HS6ST3: variants seen among roughly 807,000 people sequenced by gnomAD.
The protein encoded by HS6ST3 is heparan sulfate 6-O-sulfotransferase 3, also known as heparan-sulfate 6-O-sulfotransferase 3.
In HS6ST3, 12 loss-of-function variants were observed where a neutral mutation model predicts 36.7. The observed-to-expected ratio is 0.33, with a 90% CI of 0.21 to 0.53. HS6ST3 has a LOEUF of 0.53. Ranked by LOEUF, HS6ST3 falls within the 20% of genes least tolerant of loss-of-function variation. The pLI, the probability that HS6ST3 is intolerant of heterozygous loss-of-function variation, is 0.95. For missense variants in HS6ST3, 584 were observed against 640.9 expected, an observed-to-expected ratio of 0.91 and a Z score of 0.96; for synonymous variants, 240 against 257.5, an observed-to-expected ratio of 0.93 and a Z score of 0.65.
chr13:96,170,116 A>G (rs1435557567), intron 1 of HS6ST3, among the ~76,000 whole-genome samples: 3 of 152,192 alleles, frequency 2.0e-5, no homozygotes, highest in Non-Finnish European at 4.4e-5. Context: ...CATAATCCAC[A>G]CTGATAATAT....
intron 1 of HS6ST3, among the ~76,000 whole-genome samples, chr13:96,143,236 A>G (rs1002066974): frequency 6.6e-6 from 1 of 151,982 alleles, no homozygotes; most frequent in African/African-American, 2.4e-5. Context: ...AACTCTAAAA[A>G]TCCACGGAGC....
chr13:96,427,564 A>G (rs1377994930), intron 1 of HS6ST3, among the ~76,000 whole-genome samples: 1 of 151,818 alleles, frequency 6.6e-6, no homozygotes, highest in East Asian at 1.9e-4. Flanking sequence ...ATATTATTTT[A>G]ATTTTGAAAT....
At chr13:96,685,544 A>C (rs1177091309) in intron 1 of HS6ST3, among the ~76,000 whole-genome samples, 1 of 152,080 alleles carries the variant, frequency 6.6e-6, no homozygotes, top group Non-Finnish European at 1.5e-5. Context: ...ACCTGACATC[A>C]TGAGCTAACA....
At chr13:96,769,991 T>C (rs144160997) in intron 1 of HS6ST3, among the ~76,000 whole-genome samples, 43 of 152,302 alleles carry the variant, frequency 2.8e-4, no homozygotes, top group African/African-American at 9.9e-4. Flanking sequence ...AGTCTGTAGG[T>C]CAGTGCAATA....
intron 1 of HS6ST3, among the ~76,000 whole-genome samples, chr13:96,398,920 GC>G (rs557223776): frequency 6.6e-6 from 1 of 152,334 alleles, no homozygotes; most frequent in South Asian, 2.1e-4. Flanking sequence ...CTCAGGAACT[GC>G]ATGTTGCCAA....
chr13:96,330,694 G>T (rs2055061286), intron 1 of HS6ST3, among the ~76,000 whole-genome samples: 1 of 147,832 alleles, frequency 6.8e-6, no homozygotes, highest in Admixed American at 6.7e-5. Flanking sequence ...TATCTTTGTG[G>T]CGTTCTCTGT....
intron 1 of HS6ST3, among the ~76,000 whole-genome samples, chr13:96,830,410 G>A (rs1019859252): frequency 6.6e-6 from 1 of 152,144 alleles, no homozygotes; most frequent in African/African-American, 2.4e-5. Flanking sequence ...TCCCTTCTTT[G>A]CTAACACAGA....
chr13:96,743,917 G>A (rs1876502055), intron 1 of HS6ST3, among the ~76,000 whole-genome samples: 1 of 151,928 alleles, frequency 6.6e-6, no homozygotes, highest in Admixed American at 6.6e-5. Context: ...TGAAATAAGT[G>A]ACTCATTCTG....
At chr13:96,820,165 C>T (rs1388350168) in intron 1 of HS6ST3, among the ~76,000 whole-genome samples, 2 of 152,028 alleles carry the variant, frequency 1.3e-5, no homozygotes, top group South Asian at 4.1e-4. Flanking sequence ...CTTTCCTTTG[C>T]TGTCTCTGAT....
intron 1 of HS6ST3, among the ~76,000 whole-genome samples, chr13:96,627,022 T>G (rs1345058329): frequency 1.3e-5 from 2 of 152,086 alleles, no homozygotes; most frequent in Non-Finnish European, 2.9e-5. Context: ...TCCACTCTGG[T>G]TCCTGTATTT....
intron 1 of HS6ST3, among the ~76,000 whole-genome samples, chr13:96,786,083 C>G (rs1328731426): frequency 6.6e-6 from 1 of 152,164 alleles, no homozygotes; most frequent in Non-Finnish European, 1.5e-5. Flanking sequence ...CTTTCCACCC[C>G]TTACAGCACT....
intron 1 of HS6ST3, among the ~76,000 whole-genome samples, chr13:96,207,481 T>C (rs1170381482): frequency 6.6e-6 from 1 of 152,068 alleles, no homozygotes; most frequent in Non-Finnish European, 1.5e-5. Context: ...TTACTAGATA[T>C]ATACCCAAAG....
At chr13:96,575,019 C>T (rs2056315692) in intron 1 of HS6ST3, among the ~76,000 whole-genome samples, 1 of 152,156 alleles carries the variant, frequency 6.6e-6, no homozygotes, top group South Asian at 2.1e-4. Flanking sequence ...CCTGATGATA[C>T]ATAAGTGGAT....
At chr13:96,157,667 A>G (rs1485353707) in intron 1 of HS6ST3, among the ~76,000 whole-genome samples, 1 of 152,218 alleles carries the variant, frequency 6.6e-6, no homozygotes, top group Non-Finnish European at 1.5e-5. Flanking sequence ...CTAGAGGGTT[A>G]TATTTTGTGA....
At chr13:96,112,578 A>C (rs28604465) in intron 1 of HS6ST3, among the ~76,000 whole-genome samples, 1 of 81,224 alleles carries the variant, frequency 1.2e-5, no homozygotes, top group Non-Finnish European at 2.3e-5. Context: ...AAAATAAATA[A>C]ATATATATAT....
At chr13:96,466,335 C>A (rs532005346) in intron 1 of HS6ST3, among the ~76,000 whole-genome samples, 1 of 152,214 alleles carries the variant, frequency 6.6e-6, no homozygotes, top group African/African-American at 2.4e-5. Flanking sequence ...AATTCGATTA[C>A]TGTATTAACT....
intron 1 of HS6ST3, among the ~76,000 whole-genome samples, chr13:96,360,158 A>G (rs757792203): frequency 6.6e-6 from 1 of 152,100 alleles, no homozygotes; most frequent in African/African-American, 2.4e-5. Flanking sequence ...TCATTGAAGG[A>G]TGGGGTGCTG....
chr13:96,642,407 G>C (rs1481027770), intron 1 of HS6ST3, among the ~76,000 whole-genome samples: 1 of 151,750 alleles, frequency 6.6e-6, no homozygotes, highest in East Asian at 1.9e-4. Flanking sequence ...GAGCTTATTG[G>C]TTGTGTAGAT....
intron 1 of HS6ST3, among the ~76,000 whole-genome samples, chr13:96,564,810 C>T (rs1272019069): frequency 6.6e-6 from 1 of 152,074 alleles, no homozygotes; most frequent in African/African-American, 2.4e-5. Flanking sequence ...AAACAGAAAA[C>T]CCAAGTAATT....
Sources: allele counts gnomAD v4.1 joint callset (sites outside exome capture counted in the v4.1 genomes callset), GRCh38; gene constraint gnomAD v4.1.1; transcripts MANE v1.5; gene names NCBI Gene and HGNC (gene_info 2026-07-23, HGNC 2026-07-21).